SIGLEC5: variants seen among roughly 807,000 people sequenced by gnomAD.
The protein encoded by SIGLEC5 is sialic acid binding Ig like lectin 5.
A neutral mutation model predicts 45.9 loss-of-function variants in SIGLEC5; 34 were observed. That is an observed-to-expected ratio of 0.74 (90% CI 0.56 to 0.99). The LOEUF is 0.99. Among genes scored for constraint, SIGLEC5 ranks in the 50% least tolerant of loss-of-function variants. The pLI is 0.00. For synonymous variants in SIGLEC5, 203 were observed against 258.6 expected (o/e 0.79, Z 2.06); for missense variants, 508 against 629.6 (o/e 0.81, Z 2.07).
At chr19:51,621,578 C>T (rs1216260146) in intron 8 of SIGLEC5, 1 of 152,238 alleles carries the variant, frequency 6.6e-6, no homozygotes, top group Non-Finnish European at 1.5e-5. Flanking sequence ...AATAGCATTA[C>T]ACTTGCATCA....
At chr19:51,617,544 G>A (rs78886212) in intron 8 of SIGLEC5, among the ~76,000 whole-genome samples, 19,729 of 152,074 alleles carry the variant, frequency 0.13, 1,382 homozygotes, top group Middle Eastern at 0.22. Flanking sequence ...GAAACAGTGG[G>A]GTGGAGTTTA....
chr19:51,622,168 G>C (rs1983313704), intron 8 of SIGLEC5, among the ~76,000 whole-genome samples: 1 of 152,064 alleles, frequency 6.6e-6, no homozygotes, highest in Non-Finnish European at 1.5e-5. Context: ...GTCGTGTTCT[G>C]TCACCCAGGC....
In SIGLEC5 at chr19:51,627,038, G is replaced by A. The variant is rs1167056528; in HGVS notation, c.1382+111C>T. On this transcript the variant is annotated intron_variant, in intron 7 of 8. Transcript: ENST00000683636. The stretch of plus-strand genomic sequence containing the variant: ...CCTGCCTCAGACTCCTGAGCATCTG[G>A]AACCACAAGCACACATCACCACCTC... 2.6e-6 allele frequency: 2 copies of A among 769,838 alleles called. 1 individual carries two copies. Among genetic ancestry groups the A allele is most frequent in the African/African-American group, 3.5e-5 (2 of 57,364 alleles). The allele number at this position is 769,838 out of a possible 1,614,324, so 47.7% of individuals were successfully genotyped here. A position where few individuals can be genotyped will look rare whatever the true frequency, so the allele number is the denominator to read the frequency against.
Position 51,627,215 on chromosome 19 carries a change from G to A in SIGLEC5, c.1316C>T (p.Ala439Val), listed in dbSNP as rs777092271. The A allele has an allele frequency of 1.3e-5, 21 of 1,614,006 alleles. No individual in the cohort carries two copies. Among genetic ancestry groups the A allele is most frequent in the East Asian group, 1.1e-4 (5 of 44,898 alleles). Residue 439 changes from alanine to valine, a missense_variant, in exon 7 of 9, where the codon GCA (alanine) becomes GTA (valine). Physicochemically the swap from Ala to Val is moderately conservative, Grantham distance 64. Transcript: ENST00000683636. The stretch of plus-strand genomic sequence containing the variant: ...CATGACACCAGCACCACCAAGGGCT[G>A]CAGGAACCACTCCTGTCCCGAGGTT... ...RSNLGTGVVPAALGGAGVMAL... is the reference protein window; with the variant it reads ...RSNLGTGVVPVALGGAGVMAL...
At chr19:51,624,487 A>G (rs1322063988) in intron 8 of SIGLEC5, among the ~76,000 whole-genome samples, 2 of 152,144 alleles carry the variant, frequency 1.3e-5, no homozygotes, top group Non-Finnish European at 2.9e-5. Flanking sequence ...AACCAAAGTG[A>G]AAAAGTAAAA....
intron 8 of SIGLEC5, among the ~76,000 whole-genome samples, chr19:51,622,187 A>G (rs2122627090): frequency 6.6e-6 from 1 of 152,132 alleles, no homozygotes; most frequent in South Asian, 2.1e-4. Flanking sequence ...GCTGGAGTGC[A>G]CTGGCGCGAT....
chr19:51,630,022 G>A lies in SIGLEC5; in HGVS notation c.232C>T (p.Pro78Ser), dbSNP rs1315941780. 1.3e-5 allele frequency: 10 copies of A among 779,996 alleles called. No individual in the cohort carries two copies. In the East Asian group the frequency reaches 2.1e-4, roughly 16 times the overall value. The allele number at this position is 779,996 out of a possible 1,614,324, so 48.3% of individuals were successfully genotyped here. ...GTCTCTGGCTTCACTCTTCTGTCTG[G>A]GTTGTTTGTGGCCACAACCTCAGCG... Reference protein sequence around the residue: ...YYAEVVATNNPDRRVKPETQG... With the variant: ...YYAEVVATNNSDRRVKPETQG... Residue 78 changes from proline (P) to serine (S), a missense_variant, in exon 2 of 9, where the codon CCA (proline) becomes TCA (serine). Pro to Ser is a moderately conservative substitution (Grantham distance 74). Around this residue, in one of 2 missense-constraint regions of SIGLEC5, gnomAD observed 77 missense variants for 200.8 expected, o/e 0.38. Coordinates refer to ENST00000683636, the MANE Select transcript of SIGLEC5 (RefSeq NM_003830.4).
chr19:51,617,982 A>T (rs12461706), intron 8 of SIGLEC5, among the ~76,000 whole-genome samples: 44,950 of 149,958 alleles, frequency 0.3, 8,213 homozygotes, highest in Non-Finnish European at 0.4. Flanking sequence ...TTTTTTTTTG[A>T]GGCGAGAGTC....
Position 51,628,033 on chromosome 19 carries a change from C to T in SIGLEC5, c.798G>A (p.Arg266=). The T allele has an allele frequency of 6.3e-7, 1 of 1,598,564 alleles. No individual in the cohort carries two copies. Among genetic ancestry groups the T allele is most frequent in the Non-Finnish European group, 8.5e-7 (1 of 1,171,968 alleles). ...YLPVLEGQAL[R]LLCDAPSNPP... ...GGTTGCTGGGAGCATCACAGAGCAGCCGCAGAGCCTGGCCCTCCAGGACCG... is the reference window on the plus strand; with the variant it reads ...GGTTGCTGGGAGCATCACAGAGCAGTCGCAGAGCCTGGCCCTCCAGGACCG... The change falls in exon 5 of 9, where the codon CGG becomes CGA. Residue 266 remains arginine, a synonymous_variant. Transcript: ENST00000683636.
At chr19:51,626,897 T>TTTG (rs1404200689) in intron 7 of SIGLEC5, among the ~76,000 whole-genome samples, 2 of 151,938 alleles carry the variant, frequency 1.3e-5, no homozygotes, top group Non-Finnish European at 1.5e-5. Context: ...AGTTCTGCTT[T>TTTG]TTGTTTTGTT....
In SIGLEC5 at chr19:51,627,642, C is replaced by G. The variant is rs556965366; in HGVS notation, c.1102G>C (p.Glu368Gln). ...CTGTTCCCCTCCAGCGGCTTCTCCT[C>G]AAGCCGCCAGCACAGGGAGGGGGCC... Reference protein sequence around the residue: ...RPAPSLCWRLEEKPLEGNSSQ... With the variant: ...RPAPSLCWRLQEKPLEGNSSQ... The change falls in exon 6 of 9, where the codon GAG becomes CAG. Residue 368 changes from glutamate (E) to glutamine (Q), a missense_variant. Around this residue, in one of 2 missense-constraint regions of SIGLEC5, gnomAD observed 431 missense variants for 428.8 expected, o/e 1.01. Coordinates refer to ENST00000683636, the MANE Select transcript of SIGLEC5 (RefSeq NM_003830.4). 1.9e-5 allele frequency: 30 copies of G among 1,611,630 alleles called. No homozygotes were observed. The South Asian group carries it at 3.1e-4, about 17-fold the overall frequency.
At chr19:51,618,443 TAAAAA>T (rs1228951315) in intron 8 of SIGLEC5, among the ~76,000 whole-genome samples, 1 of 49,438 alleles carries the variant, frequency 2.0e-5, no homozygotes, top group African/African-American at 8.8e-5. Context: ...AGACCCTGCC[TAAAAA>T]AAAAAAAAAA....
At chr19:51,628,956 GC>G in intron 4 of SIGLEC5, 81 bp downstream of exon 4, 2 of 1,328,522 alleles carry the variant, frequency 1.5e-6, no homozygotes, top group South Asian at 1.3e-5. Context: ...AAATCTGATT[GC>G]ATTCAAGCTC....
At chr19:51,618,301 G>C (rs1447231620) in intron 8 of SIGLEC5, among the ~76,000 whole-genome samples, 1 of 151,754 alleles carries the variant, frequency 6.6e-6, no homozygotes, top group Non-Finnish European at 1.5e-5. Flanking sequence ...CACTGGTAGA[G>C]CATAAATACA....
rs150210009 is a variant in SIGLEC5, at chr19:51,626,048, A to C, written c.1448T>G (p.Met483Arg). 11 of 1,613,748 alleles carry C rather than the reference A, an allele frequency of 6.8e-6. No homozygotes were observed. In the African/African-American group the frequency reaches 1.3e-4, roughly 20 times the overall value. The change falls in exon 8 of 9, where the codon ATG (methionine) becomes AGG (arginine). Residue 483 changes from methionine to arginine, a missense_variant. This residue lies in a region of SIGLEC5 where 431 missense variants were observed against 428.8 expected (regional missense o/e 1.01). Transcript: ENST00000683636. ...ACCACTCACCGAGGTGATGGTACCCATAATGGGGTCTTCATCATCCATTTT... is the reference window on the plus strand; with the variant it reads ...ACCACTCACCGAGGTGATGGTACCCCTAATGGGGTCTTCATCATCCATTTT... ...PEKMDDEDPI[M>R]GTITSGSRKK...
chr19:51,625,999 A>G, intron 8 of SIGLEC5, 33 bp downstream of exon 8: 3 of 1,566,986 alleles, frequency 1.9e-6, no homozygotes, highest in Non-Finnish European at 2.6e-6. Context: ...TTCCGAGTGG[A>G]CATGCACATG....
rs1568593095 is a variant in SIGLEC5 at position 51,627,913 on chromosome 19, A to G, written c.918T>C (p.Ser306=). ...GGCAGGTGAAGCCTCCTTCTTCTGC[A>G]GACCTTACTCGACGAAGCTCCAAGA... is the stretch of plus-strand genomic sequence containing the variant. ...TGILELRRVR[S]AEEGGFTCRA... is the part of the protein sequence containing the mutation. The change falls in exon 5 of 9, where the codon TCT becomes TCC. Residue 306 remains serine (S), a synonymous_variant. Transcript: ENST00000683636. 6.2e-7 allele frequency: 1 copy of G among 1,614,114 alleles called. No homozygotes were observed.
Position 51,612,180 on chromosome 19 carries a change from C to T in SIGLEC5, c.*51G>A. On this transcript the variant is annotated 3_prime_UTR_variant, in exon 9 of 9. Coordinates refer to ENST00000683636, the MANE Select transcript of SIGLEC5 (RefSeq NM_003830.4). ...CAAGTGGTCCCTGACTTGTCCTTTC[C>T]CCCAGACAGGCTGTGGCTCCTCCAG... is the stretch of plus-strand genomic sequence containing the variant. 2 of 1,466,234 alleles carry T rather than the reference C, an allele frequency of 1.4e-6. No homozygotes were observed. The highest frequency in any genetic ancestry group is 1.8e-6 in the Non-Finnish European group (2 of 1,086,900). The allele number at this position is 1,466,234 out of a possible 1,614,324, so 90.8% of individuals were successfully genotyped here. A position where few individuals can be genotyped will look rare whatever the true frequency, so the allele number is the denominator to read the frequency against.
Position 51,629,066 on chromosome 19 carries a change from CTG to C in SIGLEC5, c.709_710del (p.Gln237AspfsTer33). The C allele has an allele frequency of 6.2e-7, 1 of 1,613,868 alleles. No homozygotes were observed. Among genetic ancestry groups the C allele is most frequent in the Non-Finnish European group, 8.5e-7 (1 of 1,179,920 alleles). On this transcript the variant is annotated frameshift_variant, in exon 4 of 9. Coordinates refer to ENST00000683636, the MANE Select transcript of SIGLEC5 (RefSeq NM_003830.4). LOFTEE classifies it high-confidence loss of function. Reference sequence around the variant, plus strand: ...TGCCGTTCCTGAAGATGGTGATGGTCTGTGGAGCATCTGGGATAAAAAGATAT... The same window carrying C: ...TGCCGTTCCTGAAGATGGTGATGGTCTGGAGCATCTGGGATAAAAAGATAT... ...TVQLNVSYAP[Q>X]TITIFRNGIA...
Sources: gnomAD v4.1 joint callset for allele counts (sites outside exome capture counted in the v4.1 genomes callset) on GRCh38, gnomAD v4.1.1 for gene constraint, gnomAD v4.1.1 regional missense constraint, MANE v1.5 for transcripts, NCBI Gene and HGNC (gene_info 2026-07-23, HGNC 2026-07-21) for gene names.